MANSC4: variants seen among roughly 807,000 people sequenced by gnomAD.
The protein encoded by MANSC4 is MANSC domain-containing protein 4.
MANSC4 carries 11 observed loss-of-function variants against 11.4 expected under a neutral mutation model. The observed-to-expected ratio is 0.97, with a 90% CI of 0.61 to 1.60. The LOEUF is 1.60. Among genes scored for constraint, MANSC4 ranks in the 40% most tolerant of loss-of-function variants. The pLI is 0.00. For missense variants in MANSC4, 354 were observed against 404.6 expected (o/e 0.88, Z 1.07); for synonymous variants, 123 against 147.1 (o/e 0.84, Z 1.19).
chr12:27,773,437 A>G (rs1386914221), intron 1 of MANSC4, among the ~76,000 whole-genome samples: 1 of 152,218 alleles, frequency 6.6e-6, no homozygotes, highest in African/African-American at 2.4e-5. Context: ...CTGAAACTGC[A>G]GAAACCAGGA....
chr12:27,776,193 T>C (rs908511702), intron 1 of MANSC4, among the ~76,000 whole-genome samples: 1 of 152,126 alleles, frequency 6.6e-6, no homozygotes, highest in Admixed American at 6.6e-5. Context: ...TACCAAAATT[T>C]ACTCTGCACT....
At chr12:27,773,208 C>A (rs2062107313) in intron 1 of MANSC4, among the ~76,000 whole-genome samples, 1 of 152,182 alleles carries the variant, frequency 6.6e-6, no homozygotes, top group African/African-American at 2.4e-5. Context: ...CCTGCAGGGG[C>A]TGGTGCTATT....
At chr12:27,765,629 C>T (rs986895872) in intron 3 of MANSC4, among the ~76,000 whole-genome samples, 2 of 152,152 alleles carry the variant, frequency 1.3e-5, no homozygotes, top group Non-Finnish European at 2.9e-5. Context: ...GAGGCAGCTT[C>T]ACATATTTTT....
At position 27,763,389 on chromosome 12, in the gene MANSC4, A is replaced by G. The variant is rs775749215; in HGVS notation, c.372T>C (p.Asp124=). 1 of 1,538,562 alleles carries G rather than the reference A, an allele frequency of 6.5e-7. No individual in the cohort carries two copies. The highest frequency in any genetic ancestry group is 8.8e-7 in the Non-Finnish European group (1 of 1,140,974). ...ATTGTTCAAAAACCAGCAAATCCGG[A>G]TCTATACCTGAAAAATAAATAAGGC... The part of the protein sequence containing the change: ...AILYNITDGI[D]PDLLVFEQSP... Residue 124 remains aspartate (D), a synonymous_variant, in exon 4 of 4, where the codon GAT becomes GAC. Coordinates refer to ENST00000381273, the MANE Select transcript of MANSC4 (RefSeq NM_001146221.5).
chr12:27,767,181 A>G (rs943828203), intron 2 of MANSC4, among the ~76,000 whole-genome samples: 1 of 151,974 alleles, frequency 6.6e-6, no homozygotes, highest in Non-Finnish European at 1.5e-5. Flanking sequence ...GGGTTTCACC[A>G]TGTTGCCCAG....
intron 3 of MANSC4, among the ~76,000 whole-genome samples, chr12:27,764,192 A>G (rs2062061513): frequency 6.6e-6 from 1 of 152,082 alleles, no homozygotes; most frequent in South Asian, 2.1e-4. Flanking sequence ...CTTTCCCTCT[A>G]ACTTCAGACA....
At chr12:27,775,832 G>A (rs933980457) in intron 1 of MANSC4, among the ~76,000 whole-genome samples, 2 of 151,390 alleles carry the variant, frequency 1.3e-5, no homozygotes, top group African/African-American at 4.9e-5. Flanking sequence ...GCTCACGCCT[G>A]TAATCCCAGC....
At position 27,780,186 on chromosome 12, in the gene MANSC4, C is replaced by G; in HGVS notation, c.-307+24G>C. The G allele has an allele frequency of 2.0e-6, 1 of 496,670 alleles. No homozygotes were observed. Among genetic ancestry groups the G allele is most frequent in the Non-Finnish European group, 2.9e-6 (1 of 340,818 alleles). The allele number at this position is 496,670 out of a possible 1,614,324, so 30.8% of individuals were successfully genotyped here. On this transcript the variant is annotated intron_variant, in intron 1 of 3. Transcript: ENST00000381273. This position sits in a 1 kb window ranked among gnomAD's most constrained non-coding sequence, Gnocchi z 8.8. ...CGGGAGGAGGGGCCGCCGGAGAGGC[C>G]GGGCGAGCGCGGGCGGCCCTCACCT...
intron 1 of MANSC4, among the ~76,000 whole-genome samples, chr12:27,779,578 ATTGCCACCAACT>A (rs1423470151): frequency 1.3e-5 from 2 of 151,998 alleles, no homozygotes; most frequent in Admixed American, 1.3e-4. Flanking sequence ...TGCCACCAAC[ATTGCCACCAACT>A]GTCCATAGAT....
intron 3 of MANSC4, among the ~76,000 whole-genome samples, chr12:27,764,534 G>A (rs899897073): frequency 2.6e-5 from 4 of 152,086 alleles, no homozygotes; most frequent in Non-Finnish European, 5.9e-5. Context: ...CTCACTGGTT[G>A]TGTGGTTTCC....
chr12:27,778,874 GTC>G (rs1189247863), intron 1 of MANSC4, among the ~76,000 whole-genome samples: 2 of 152,128 alleles, frequency 1.3e-5, no homozygotes, highest in Non-Finnish European at 2.9e-5. Context: ...GAAACAAGTG[GTC>G]TCTCTTTTCC....
chr12:27,763,933 A>G (rs1241674068), intron 3 of MANSC4, among the ~76,000 whole-genome samples: 1 of 151,934 alleles, frequency 6.6e-6, no homozygotes, highest in Non-Finnish European at 1.5e-5. Flanking sequence ...GAGTTTTGTC[A>G]TGTTGCCCAG....
rs2062052354 is a variant in MANSC4, at chr12:27,762,713, G to A, written c.*25C>T. On this transcript the variant is annotated 3_prime_UTR_variant, in exon 4 of 4. Transcript: ENST00000381273. The stretch of plus-strand genomic sequence containing the variant: ...AAAACTAAAAATGATATCCTTGAAA[G>A]CATATAATCTTGCTACAGTTTTTAC... 6 of 1,473,758 alleles carry A rather than the reference G, an allele frequency of 4.1e-6. No homozygotes were observed. Among genetic ancestry groups the A allele is most frequent in the Non-Finnish European group, 5.4e-6 (6 of 1,110,090 alleles). The allele number at this position is 1,473,758 out of a possible 1,614,324, so 91.3% of individuals were successfully genotyped here.
At chr12:27,769,100 G>A (rs965291451) in intron 2 of MANSC4, among the ~76,000 whole-genome samples, 21 of 152,080 alleles carry the variant, frequency 1.4e-4, no homozygotes, top group African/African-American at 1.7e-4. Flanking sequence ...TCATGTTGCC[G>A]CACTCTATTT....
At position 27,774,939 on chromosome 12, in the gene MANSC4, G is replaced by T. The variant is rs539996386; in HGVS notation, c.-306-3357C>A. On this transcript the variant is annotated intron_variant, in intron 1 of 3. Coordinates refer to ENST00000381273, the MANE Select transcript of MANSC4 (RefSeq NM_001146221.5). ...CTCGGGAGGCTGAGGCAGGAGAATG[G>T]AGTGAACCTGGGAGGCGGAGCTTGC... 2.7e-3 allele frequency among the ~76,000 whole-genome samples: 416 copies of T among 152,262 alleles called. 3 individuals carry two copies. The highest frequency in any genetic ancestry group is 9.7e-3 in the African/African-American group (403 of 41,556).
At chr12:27,771,914 C>T (rs2062102476) in intron 1 of MANSC4, among the ~76,000 whole-genome samples, 1 of 151,926 alleles carries the variant, frequency 6.6e-6, no homozygotes, top group East Asian at 1.9e-4. Flanking sequence ...CACAGTGGCT[C>T]ACACCTGTAA....
chr12:27,762,981 G>C lies in MANSC4; in HGVS notation c.780C>G (p.Asn260Lys). Reference sequence around the variant, plus strand: ...TTCTGCTATTGTATCCTTTGGTTTTGTTTAGTAATTGTTTGCTACTGTTGA... The same window carrying C: ...TTCTGCTATTGTATCCTTTGGTTTTCTTTAGTAATTGTTTGCTACTGTTGA... ...PGLNSSKQLL[N>K]KTKGYNSRNH... Residue 260 changes from asparagine to lysine, a missense_variant, in exon 4 of 4, where the codon AAC (asparagine) becomes AAG (lysine). Physicochemically the swap from Asn to Lys is moderately conservative, Grantham distance 94. Coordinates refer to ENST00000381273, the MANE Select transcript of MANSC4 (RefSeq NM_001146221.5). The C allele has an allele frequency of 6.4e-7, 1 of 1,551,806 alleles. No homozygotes were observed. The highest frequency in any genetic ancestry group is 8.7e-7 in the Non-Finnish European group (1 of 1,147,036).
At chr12:27,777,262 A>G (rs1225324812) in intron 1 of MANSC4, among the ~76,000 whole-genome samples, 1 of 152,222 alleles carries the variant, frequency 6.6e-6, no homozygotes, top group Non-Finnish European at 1.5e-5. Context: ...AGTCTGAGGC[A>G]TATCTATGAC....
At chr12:27,768,264 A>C (rs1385460201) in intron 2 of MANSC4, among the ~76,000 whole-genome samples, 2 of 151,680 alleles carry the variant, frequency 1.3e-5, no homozygotes, top group Non-Finnish European at 2.9e-5. Context: ...TTGGCTGGGC[A>C]TGGTGGCACG....
Sources: allele counts gnomAD v4.1 joint callset (sites outside exome capture counted in the v4.1 genomes callset), GRCh38; gene constraint gnomAD v4.1.1; non-coding constraint Gnocchi (gnomAD v3.1); transcripts MANE v1.5; gene names NCBI Gene and HGNC (gene_info 2026-07-23, HGNC 2026-07-21).